The following ADGRL3 variants were observed in gnomAD, a reference collection of about 807,000 sequenced individuals.
ADGRL3 encodes the protein calcium-independent alpha-latrotoxin receptor 3.
In ADGRL3, 62 loss-of-function variants were observed where a neutral mutation model predicts 153.5. The ratio of observed to expected loss-of-function variants is 0.40; its 90% CI spans 0.33 to 0.50. The LOEUF (loss-of-function observed/expected upper bound fraction) is 0.50. Among genes scored for constraint, ADGRL3 ranks in the 20% least tolerant of loss-of-function variants. ADGRL3 has a pLI of 0.47. For synonymous variants in ADGRL3, 710 were observed against 672.5 expected, an observed-to-expected ratio of 1.06 and a Z score of -0.86; for missense variants, 1,641 against 1,859.4, an observed-to-expected ratio of 0.88 and a Z score of 2.16.
rs1350306719 is a variant in ADGRL3, at chr4:62,073,367, A to C, written c.*2459A>C. On this transcript the variant is annotated 3_prime_UTR_variant, in exon 27 of 27. Transcript: ENST00000683033. Reference sequence around the variant, plus strand: ...AGAATCACAAGCGTTAATGATAATTAGGTTTTCTCACACCACACTATGGCA... The same window carrying C: ...AGAATCACAAGCGTTAATGATAATTCGGTTTTCTCACACCACACTATGGCA... 1 of 152,114 alleles carries C rather than the reference A, an allele frequency of 6.6e-6. No homozygotes were observed. The highest frequency in any genetic ancestry group is 1.5e-5 in the Non-Finnish European group (1 of 68,006). 9.4% of individuals were successfully genotyped at this position (152,114 alleles called of 1,614,324 possible).
At chr4:61,577,229 G>A (rs1353550796) in intron 4 of ADGRL3, among the ~76,000 whole-genome samples, 1 of 139,248 alleles carries the variant, frequency 7.2e-6, no homozygotes, top group Non-Finnish European at 1.6e-5. Context: ...ATGGGGGGGG[G>A]ATGAGGGAGG....
At chr4:61,986,187 T>C (rs1249318442) in intron 19 of ADGRL3, among the ~76,000 whole-genome samples, 1 of 152,132 alleles carries the variant, frequency 6.6e-6, no homozygotes, top group East Asian at 1.9e-4. Flanking sequence ...CTTTACATTT[T>C]TCTCAATGCA....
chr4:61,507,854 T>G (rs2098440317), intron 3 of ADGRL3, among the ~76,000 whole-genome samples: 1 of 152,180 alleles, frequency 6.6e-6, no homozygotes, highest in South Asian at 2.1e-4. Flanking sequence ...TGCCCACACA[T>G]TAGTTACAAT....
At chr4:61,801,145 A>T (rs1817052) in intron 8 of ADGRL3, among the ~76,000 whole-genome samples, 1 of 151,896 alleles carries the variant, frequency 6.6e-6, no homozygotes, top group African/African-American at 2.4e-5. Flanking sequence ...TCTTCTGTAA[A>T]GATAATCTAC....
At position 61,631,817 on chromosome 4, in the gene ADGRL3, C is replaced by T. The variant is rs186113608; in HGVS notation, c.473+44377C>T. Among the ~76,000 whole-genome samples the T allele has an allele frequency of 6.7e-5, 10 of 150,024 alleles. 1 individual carries two copies. Among genetic ancestry groups the T allele is most frequent in the South Asian group, 4.2e-4 (2 of 4,760 alleles). Reference sequence around the variant, plus strand: ...TCTTTTTTTGTATTTTTAGTAGAGACGGGGTTTCACCGTGTTAGCCAGGAT... The same window carrying T: ...TCTTTTTTTGTATTTTTAGTAGAGATGGGGTTTCACCGTGTTAGCCAGGAT... On this transcript the variant is annotated intron_variant, in intron 5 of 26. Transcript: ENST00000683033.
chr4:61,389,147 G>T (rs2096774240), intron 2 of ADGRL3, among the ~76,000 whole-genome samples: 1 of 152,174 alleles, frequency 6.6e-6, no homozygotes, highest in African/African-American at 2.4e-5. Flanking sequence ...GTGACTGGAG[G>T]CAGGTGGATT....
chr4:61,452,551 A>G (rs1414147629), intron 2 of ADGRL3, among the ~76,000 whole-genome samples: 1 of 152,178 alleles, frequency 6.6e-6, no homozygotes, highest in Non-Finnish European at 1.5e-5. Context: ...TTTTGGTGGT[A>G]ATGTGTGAGA....
chr4:61,696,323 G>GT (rs2095641887), intron 6 of ADGRL3, among the ~76,000 whole-genome samples: 2 of 152,144 alleles, frequency 1.3e-5, no homozygotes, highest in South Asian at 2.1e-4. Flanking sequence ...CTAGGATAGG[G>GT]TTTTTCCTGC....
intron 1 of ADGRL3, among the ~76,000 whole-genome samples, chr4:61,278,792 C>G (rs2093599085): frequency 6.6e-6 from 1 of 152,140 alleles, no homozygotes; most frequent in Non-Finnish European, 1.5e-5. Context: ...AGGTGTGAGC[C>G]ACTGCACCTG....
At chr4:61,988,155 A>G (rs1399841627) in intron 19 of ADGRL3, among the ~76,000 whole-genome samples, 2 of 152,114 alleles carry the variant, frequency 1.3e-5, no homozygotes, top group African/African-American at 4.8e-5. Flanking sequence ...AAAGCATACA[A>G]ATTTGATTCT....
chr4:61,795,163 T>C (rs1561264340), intron 8 of ADGRL3, among the ~76,000 whole-genome samples: 1 of 152,242 alleles, frequency 6.6e-6, no homozygotes, highest in Non-Finnish European at 1.5e-5. Flanking sequence ...TTTTTAGCTC[T>C]GTTGCCCAGG....
At chr4:61,736,919 G>C (rs1284514761) in intron 8 of ADGRL3, among the ~76,000 whole-genome samples, 1 of 152,162 alleles carries the variant, frequency 6.6e-6, no homozygotes, top group Non-Finnish European at 1.5e-5. Context: ...TGGACTTATT[G>C]CAGTTTAGAG....
At position 61,540,240 on chromosome 4, in the gene ADGRL3, A is replaced by C. The variant is rs543987807; in HGVS notation, c.259+22722A>C. On this transcript the variant is annotated intron_variant, in intron 4 of 26. Coordinates refer to ENST00000683033, the MANE Select transcript of ADGRL3 (RefSeq NM_001387552.1). ...ACCACTTTACCACATTTTAAACCCC[A>C]ATACTGAGTTAAATACAGTGGAAAT... Among the ~76,000 whole-genome samples, 3 of 152,250 alleles carry C rather than the reference A, an allele frequency of 2.0e-5. No individual in the cohort carries two copies. In the South Asian group the frequency reaches 6.2e-4, roughly 32 times the overall value.
At chr4:61,764,783 A>G (rs1397887265) in intron 8 of ADGRL3, among the ~76,000 whole-genome samples, 1 of 151,864 alleles carries the variant, frequency 6.6e-6, no homozygotes, top group African/African-American at 2.4e-5. Context: ...TGGTATGGAG[A>G]GAGAATGGTC....
intron 6 of ADGRL3, among the ~76,000 whole-genome samples, chr4:61,722,908 T>C (rs745635793): frequency 6.6e-6 from 1 of 152,206 alleles, no homozygotes; most frequent in Non-Finnish European, 1.5e-5. Context: ...TTTAAAAGTA[T>C]TTACTAAATT....
chr4:61,587,538 T>C lies in ADGRL3; in HGVS notation c.473+98T>C, dbSNP rs535680029. The C allele has an allele frequency of 1.9e-5, 18 of 925,636 alleles. No homozygotes were observed. The African/African-American group carries it at 2.8e-4, about 14-fold the overall frequency. The allele number at this position is 925,636 out of a possible 1,614,324, so 57.3% of individuals were successfully genotyped here. A position where few individuals can be genotyped will look rare whatever the true frequency, so the allele number is the denominator to read the frequency against. ...GCATAAGAACATAAACAGTGTTATGTATTTTAGGACACTTCAAAATAGTTT... is the reference window on the plus strand; with the variant it reads ...GCATAAGAACATAAACAGTGTTATGCATTTTAGGACACTTCAAAATAGTTT... On this transcript the variant is annotated intron_variant, in intron 5 of 26. Transcript: ENST00000683033.
At chr4:61,217,362 C>A (rs1743273260) in intron 1 of ADGRL3, among the ~76,000 whole-genome samples, 1 of 152,056 alleles carries the variant, frequency 6.6e-6, no homozygotes, top group African/African-American at 2.4e-5. Flanking sequence ...ACTAGGCAGC[C>A]CTAGAGAATG....
chr4:61,516,057 G>T (rs1052772292), intron 3 of ADGRL3, among the ~76,000 whole-genome samples: 1 of 151,902 alleles, frequency 6.6e-6, no homozygotes, highest in African/African-American at 2.4e-5. Context: ...AAAATGTTTC[G>T]GGGCAATGTC....
chr4:61,496,956 AT>A (rs1404144514), intron 2 of ADGRL3, among the ~76,000 whole-genome samples, 164 bp from the exon 3 acceptor site: 7 of 142,760 alleles, frequency 4.9e-5, no homozygotes, highest in Non-Finnish European at 1.1e-4. Context: ...AAAAAAAAAA[AT>A]CAGTATATTT....
Sources: gnomAD v4.1 joint callset for allele counts (sites outside exome capture counted in the v4.1 genomes callset) on GRCh38, gnomAD v4.1.1 for gene constraint, MANE v1.5 for transcripts, NCBI Gene and HGNC (gene_info 2026-07-23, HGNC 2026-07-21) for gene names.